Variants in SVIL observed in about 807,000 individuals in gnomAD.
The protein encoded by SVIL is supervillin.
Under a neutral mutation model 240.4 loss-of-function variants are expected in SVIL, and 101 were observed. The ratio of observed to expected loss-of-function variants is 0.42; its 90% confidence interval spans 0.36 to 0.50. The LOEUF (loss-of-function observed/expected upper bound fraction) is 0.50, where lower values mean the gene tolerates loss of function less well. Ranked by LOEUF, SVIL falls within the 20% of genes least tolerant of loss-of-function variation. The probability of loss-of-function intolerance (pLI) is 0.01; values close to 1 mark genes in which losing one functional copy is unlikely to be tolerated. For missense variants in SVIL, 2,512 were observed against 2,818.7 expected (o/e 0.89, Z 2.46); for synonymous variants, 999 against 1,100.0 (o/e 0.91, Z 1.82).
chr10:29,648,147 C>G (rs1482278694), intron 3 of SVIL, among the ~76,000 whole-genome samples: 1 of 152,158 alleles, frequency 6.6e-6, no homozygotes, highest in Non-Finnish European at 1.5e-5. Flanking sequence ...TTCATGTCAC[C>G]TGGATCCCCA....
intron 1 of SVIL, among the ~76,000 whole-genome samples, chr10:29,696,974 C>T (rs1402957274): frequency 2.3e-5 from 3 of 133,260 alleles, no homozygotes; most frequent in African/African-American, 5.7e-5. Flanking sequence ...GTGGGGGGGT[C>T]AGCCCCTCGC....
At chr10:29,492,499 C>T (rs1295245619) in intron 21 of SVIL, among the ~76,000 whole-genome samples, 1 of 152,032 alleles carries the variant, frequency 6.6e-6, no homozygotes, top group Non-Finnish European at 1.5e-5. Flanking sequence ...GCCAGTAAAC[C>T]CCTCCGCACT....
chr10:29,488,645 T>G lies in SVIL; in HGVS notation c.4304A>C (p.Asn1435Thr). ...CAGCCTCTTGTAGGGCACGGCGCTG[T>G]TGTTAGAGTTCTGTTCCGTCAGGTT... ...SVNLTEQNSN[N>T]SAVPYKRLML... The change falls in exon 23 of 38, where the codon AAC (asparagine) becomes ACC (threonine). Residue 1435 changes from asparagine (N) to threonine (T), a missense_variant. Coordinates refer to ENST00000355867, the MANE Select transcript of SVIL (RefSeq NM_021738.3). 1 of 1,612,618 alleles carries G rather than the reference T, an allele frequency of 6.2e-7. No individual in the cohort carries two copies. The highest frequency in any genetic ancestry group is 8.5e-7 in the Non-Finnish European group (1 of 1,179,504).
At chr10:29,460,543 G>A (rs1000135288) in intron 36 of SVIL, among the ~76,000 whole-genome samples, 1 of 152,146 alleles carries the variant, frequency 6.6e-6, no homozygotes, top group African/African-American at 2.4e-5. Flanking sequence ...AACTCTCCTA[G>A]TCTTGAAATT....
intron 1 of SVIL, among the ~76,000 whole-genome samples, chr10:29,630,632 C>G (rs903248069): frequency 1.3e-5 from 2 of 152,026 alleles, no homozygotes; most frequent in African/African-American, 4.8e-5. Context: ...TGACTTCATG[C>G]GGCACACCTT....
intron 1 of SVIL, among the ~76,000 whole-genome samples, chr10:29,599,232 C>T (rs1956718902): frequency 6.6e-6 from 1 of 152,218 alleles, no homozygotes; most frequent in South Asian, 2.1e-4. Context: ...CGAGGAACCT[C>T]AGCCTGACAC....
chr10:29,626,666 A>G (rs1234501318), intron 1 of SVIL, among the ~76,000 whole-genome samples: 1 of 152,226 alleles, frequency 6.6e-6, no homozygotes, highest in Non-Finnish European at 1.5e-5. Flanking sequence ...GAAAATAGAC[A>G]TACTTAAATG....
At chr10:29,697,086 T>C (rs1380064780) in intron 1 of SVIL, among the ~76,000 whole-genome samples, 2 of 105,442 alleles carry the variant, frequency 1.9e-5, no homozygotes, top group African/African-American at 7.6e-5. Context: ...CGGCCACCCC[T>C]ACTGGGAAGT....
intron 1 of SVIL, among the ~76,000 whole-genome samples, chr10:29,605,741 A>T (rs1236660771): frequency 6.8e-6 from 1 of 147,952 alleles, no homozygotes; most frequent in Non-Finnish European, 1.5e-5. Context: ...TATTTACATA[A>T]TATATATTTT....
At chr10:29,706,142 T>C (rs972289189) in intron 1 of SVIL, among the ~76,000 whole-genome samples, 2 of 152,208 alleles carry the variant, frequency 1.3e-5, no homozygotes, top group African/African-American at 4.8e-5. Flanking sequence ...GTCTTTATAG[T>C]AGAATGATTT....
intron 16 of SVIL, among the ~76,000 whole-genome samples, chr10:29,517,926 G>A (rs561270336): frequency 2.0e-5 from 3 of 152,236 alleles, no homozygotes; most frequent in East Asian, 3.9e-4. Context: ...TATTTAATTC[G>A]CAATGTTTCT....
chr10:29,506,775 G>A (rs1445232366), intron 17 of SVIL, among the ~76,000 whole-genome samples: 6 of 149,472 alleles, frequency 4.0e-5, no homozygotes, highest in African/African-American at 1.5e-4. Flanking sequence ...GCCCTAGAGG[G>A]AAAGGACAGA....
At chr10:29,534,173 C>G (rs1274699613) in intron 7 of SVIL, among the ~76,000 whole-genome samples, 11 of 152,162 alleles carry the variant, frequency 7.2e-5, no homozygotes. Flanking sequence ...ACCACCATCC[C>G]CCTGTCCTGC....
chr10:29,589,554 C>T (rs1956304854), intron 1 of SVIL, among the ~76,000 whole-genome samples: 1 of 152,176 alleles, frequency 6.6e-6, no homozygotes, highest in African/African-American at 2.4e-5. Flanking sequence ...CCACCGTATT[C>T]CCCCTTTCCT....
intron 36 of SVIL, among the ~76,000 whole-genome samples, chr10:29,460,432 G>GTGAA (rs1383598607): frequency 1.3e-5 from 2 of 152,200 alleles, no homozygotes; most frequent in Non-Finnish European, 2.9e-5. Context: ...AAGATCTATA[G>GTGAA]TGAATACACA....
chr10:29,502,405 T>C (rs1321888781), intron 17 of SVIL, among the ~76,000 whole-genome samples: 1 of 152,214 alleles, frequency 6.6e-6, no homozygotes, highest in Non-Finnish European at 1.5e-5. Flanking sequence ...TTCATTATTG[T>C]CTTGTTTTTT....
At position 29,458,225 on chromosome 10, in the gene SVIL, G is replaced by A. The variant is rs751316751; in HGVS notation, c.*22C>T. ...GTGGTGTTGTTGGACGTGACCGTGA[G>A]GCTCCTCTGGCGTCTCCCCACTCAG... On this transcript the variant is annotated 3_prime_UTR_variant, in exon 38 of 38. Coordinates refer to ENST00000355867, the MANE Select transcript of SVIL (RefSeq NM_021738.3). 1 of 1,583,244 alleles carries A rather than the reference G, an allele frequency of 6.3e-7. No homozygotes were observed. The highest frequency in any genetic ancestry group is 1.7e-5 in the Admixed American group (1 of 59,550).
intron 1 of SVIL, among the ~76,000 whole-genome samples, chr10:29,607,874 C>T (rs996520036): frequency 8.5e-5 from 13 of 152,348 alleles, no homozygotes; most frequent in African/African-American, 2.9e-4. Flanking sequence ...AAGATGTGAA[C>T]TGAGTTGCGA....
intron 2 of SVIL, among the ~76,000 whole-genome samples, chr10:29,661,667 G>A (rs1047351623): frequency 6.6e-6 from 1 of 152,184 alleles, no homozygotes; most frequent in African/African-American, 2.4e-5. Flanking sequence ...TAGACCAATT[G>A]CATCTGGAAG....
Sources: allele counts gnomAD v4.1 joint callset (sites outside exome capture counted in the v4.1 genomes callset), GRCh38; gene constraint gnomAD v4.1.1; transcripts MANE v1.5; gene names NCBI Gene and HGNC (gene_info 2026-07-23, HGNC 2026-07-21).